The following TRERF1 variants were observed in gnomAD, a reference collection of about 807,000 sequenced individuals.
The protein encoded by TRERF1 is transcriptional-regulating factor 1.
A neutral mutation model predicts 122.9 loss-of-function variants in TRERF1; 27 were observed. That is an observed-to-expected ratio of 0.22 (90% CI 0.16 to 0.30). TRERF1 has a LOEUF of 0.30. Ranked by LOEUF, TRERF1 falls within the 10% of genes least tolerant of loss-of-function variation. The pLI, the probability that TRERF1 is intolerant of heterozygous loss-of-function variation, is 1.00. For synonymous variants in TRERF1, 636 were observed against 641.7 expected (o/e 0.99, Z 0.13); for missense variants, 1,248 against 1,560.3 (o/e 0.80, Z 3.37).
At chr6:42,257,220 G>A in intron 10 of TRERF1, 118 bp from the exon 11 acceptor site, 1 of 1,269,770 alleles carries the variant, frequency 7.9e-7, no homozygotes, top group Non-Finnish European at 1.1e-6. Context: ...GAATGCAGGG[G>A]CATTTCCTCA....
intron 3 of TRERF1, among the ~76,000 whole-genome samples, chr6:42,350,865 C>T (rs1302846748): frequency 1.3e-5 from 2 of 152,072 alleles, no homozygotes; most frequent in African/African-American, 2.4e-5. Flanking sequence ...CAACATATGA[C>T]AAGTGAATAC....
intron 4 of TRERF1, among the ~76,000 whole-genome samples, chr6:42,271,274 C>T (rs1474483247): frequency 1.3e-5 from 2 of 151,900 alleles, no homozygotes; most frequent in Non-Finnish European, 2.9e-5. Flanking sequence ...TGCAAGCTGT[C>T]CTTTTAGGAC....
At position 42,233,801 on chromosome 6, in the gene TRERF1, C is replaced by T. The variant is rs185960522; in HGVS notation, c.3067-909G>A. On this transcript the variant is annotated intron_variant, in intron 16 of 17. Transcript: ENST00000372922. ...TATCTACCCCGAGGAAGCCCTAGCACCCTAAGGAATCCAGTTTGAAAGACA... is the reference window on the plus strand; with the variant it reads ...TATCTACCCCGAGGAAGCCCTAGCATCCTAAGGAATCCAGTTTGAAAGACA... 2.7e-3 allele frequency among the ~76,000 whole-genome samples: 410 copies of T among 152,236 alleles called. 1 individual carries two copies. Among genetic ancestry groups the T allele is most frequent in the Non-Finnish European group, 4.5e-3 (305 of 68,016 alleles).
chr6:42,264,843 T>G (rs1348065530), exon 7 of TRERF1: 2 of 1,614,126 alleles, frequency 1.2e-6, no homozygotes, highest in Non-Finnish European at 1.7e-6. Flanking sequence ...AAACGCTCCT[T>G]TGGGTTGGCC....
At chr6:42,266,564 T>C (rs1779239036) in intron 5 of TRERF1, among the ~76,000 whole-genome samples, 5 of 152,196 alleles carry the variant, frequency 3.3e-5, no homozygotes, top group Admixed American at 3.3e-4. Flanking sequence ...TACCACTGGT[T>C]CTGAACCCCA....
intron 1 of TRERF1, among the ~76,000 whole-genome samples, chr6:42,451,755 G>A (rs1252130109): frequency 6.6e-6 from 1 of 151,740 alleles, no homozygotes; most frequent in Admixed American, 6.6e-5. Context: ...TCCCAGCCCT[G>A]CTCCCCTTCC....
At chr6:42,314,646 G>T (rs1405331297) in intron 3 of TRERF1, among the ~76,000 whole-genome samples, 1 of 152,136 alleles carries the variant, frequency 6.6e-6, no homozygotes, top group African/African-American at 2.4e-5. Flanking sequence ...AGATGCTATG[G>T]GAAAAAACAA....
intron 2 of TRERF1, among the ~76,000 whole-genome samples, chr6:42,381,595 C>T (rs565691125): frequency 1.6e-4 from 25 of 152,002 alleles, no homozygotes; most frequent in African/African-American, 5.5e-4. Flanking sequence ...GGACCAAGAG[C>T]AGGGAGCCCA....
At chr6:42,334,394 T>C (rs951421126) in intron 3 of TRERF1, among the ~76,000 whole-genome samples, 2 of 152,206 alleles carry the variant, frequency 1.3e-5, no homozygotes, top group African/African-American at 2.4e-5. Context: ...CCAACTCTAA[T>C]AGTCTCAACA....
At chr6:42,408,031 G>A (rs569425681) in intron 2 of TRERF1, among the ~76,000 whole-genome samples, 1 of 151,582 alleles carries the variant, frequency 6.6e-6, no homozygotes, top group South Asian at 2.1e-4. Flanking sequence ...GTATCTCTCA[G>A]TTTATGATCC....
intron 3 of TRERF1, among the ~76,000 whole-genome samples, chr6:42,353,884 T>C (rs1261105876): frequency 6.6e-6 from 1 of 152,200 alleles, no homozygotes; most frequent in Non-Finnish European, 1.5e-5. Flanking sequence ...TATGGGAGGA[T>C]TTTAATAAAA....
intron 5 of TRERF1, among the ~76,000 whole-genome samples, chr6:42,267,789 G>A (rs1208599433): frequency 6.6e-6 from 1 of 152,184 alleles, no homozygotes. Flanking sequence ...TCCCAAAGGG[G>A]GACCAATGTC....
In TRERF1 at chr6:42,276,665, C is replaced by T. The variant is rs1781204543; in HGVS notation, c.-258-6817G>A. Reference sequence around the variant, plus strand: ...AGTGGGTATTTTATAATCCAGTAACCCGATTATTGTGGACATGTGCTGCCA... The same window carrying T: ...AGTGGGTATTTTATAATCCAGTAACTCGATTATTGTGGACATGTGCTGCCA... On this transcript the variant is annotated intron_variant, in intron 4 of 17. Coordinates refer to ENST00000372922, the Ensembl canonical transcript of TRERF1. This position sits in a 1 kb window ranked among gnomAD's most constrained non-coding sequence, Gnocchi z 4.3. Among the ~76,000 whole-genome samples the T allele has an allele frequency of 1.3e-5, 2 of 152,172 alleles. No homozygotes were observed. Among genetic ancestry groups the T allele is most frequent in the African/African-American group, 2.4e-5 (1 of 41,438 alleles).
At chr6:42,368,712 C>T (rs906017989) in intron 2 of TRERF1, among the ~76,000 whole-genome samples, 7 of 152,174 alleles carry the variant, frequency 4.6e-5, no homozygotes, top group Non-Finnish European at 8.8e-5. Flanking sequence ...AAAGTCCACG[C>T]TTTGGACTTC....
At chr6:42,378,459 A>T (rs1207203997) in intron 2 of TRERF1, among the ~76,000 whole-genome samples, 2 of 152,184 alleles carry the variant, frequency 1.3e-5, no homozygotes, top group Non-Finnish European at 2.9e-5. Context: ...ACTTTTTTAA[A>T]CTGTCACCTT....
At chr6:42,434,612 C>T (rs905125004) in intron 2 of TRERF1, among the ~76,000 whole-genome samples, 10 of 150,586 alleles carry the variant, frequency 6.6e-5, no homozygotes, top group Middle Eastern at 3.4e-3. Context: ...GTGAATAAAA[C>T]GCATTTTCCG....
intron 2 of TRERF1, among the ~76,000 whole-genome samples, chr6:42,438,543 G>C (rs1385295959): frequency 6.6e-6 from 1 of 151,220 alleles, no homozygotes; most frequent in Admixed American, 6.6e-5. Context: ...CTGGGAGGTG[G>C]AGGTTGCAGT....
chr6:42,232,029 T>C lies in TRERF1; in HGVS notation c.3278+652A>G, dbSNP rs1010766360. 6.6e-6 allele frequency among the ~76,000 whole-genome samples: 1 copy of C among 152,234 alleles called. No individual in the cohort carries two copies. The highest frequency in any genetic ancestry group is 1.5e-5 in the Non-Finnish European group (1 of 68,040). On this transcript the variant is annotated intron_variant, in intron 17 of 17. Coordinates refer to ENST00000372922, the Ensembl canonical transcript of TRERF1. This position sits in a 1 kb window ranked among gnomAD's most constrained non-coding sequence, Gnocchi z 4.5. ...GTAAATGCTCAGTAAATGTTAGCTA[T>C]TATAATTACTATCTCGTTACTTTTT...
chr6:42,232,676 C>T lies in TRERF1; in HGVS notation c.3278+5G>A, dbSNP rs1216770822. The T allele has an allele frequency of 6.3e-7, 1 of 1,588,716 alleles. No individual in the cohort carries two copies. Among genetic ancestry groups the T allele is most frequent in the Non-Finnish European group, 8.6e-7 (1 of 1,161,284 alleles). On this transcript the variant is annotated splice_donor_5th_base_variant and intron_variant, in intron 17 of 17. Coordinates refer to ENST00000372922, the Ensembl canonical transcript of TRERF1. This position sits in a 1 kb window ranked among gnomAD's most constrained non-coding sequence, Gnocchi z 4.5. ...CAGATTCAGTCCCCGGTCCCCTGCA[C>T]CTACTTGCCACACTCCTTGCAGGGG...
Sources: allele counts gnomAD v4.1 joint callset (sites outside exome capture counted in the v4.1 genomes callset), GRCh38; gene constraint gnomAD v4.1.1; non-coding constraint Gnocchi (gnomAD v3.1); transcripts MANE v1.5; gene names NCBI Gene and HGNC (gene_info 2026-07-23, HGNC 2026-07-21).